Variants in ACOXL observed in about 807,000 individuals in gnomAD.
ACOXL encodes acyl-CoA oxidase like, also known as acyl-coenzyme A oxidase-like protein.
ACOXL carries 70 observed loss-of-function variants against 71.9 expected under a neutral mutation model. That is an observed-to-expected ratio of 0.97 (90% CI 0.80 to 1.19). ACOXL has a LOEUF of 1.19. Ranked by LOEUF, ACOXL falls within the 50% of genes most tolerant of loss-of-function variation. The pLI is 0.00. For missense variants in ACOXL, 703 were observed against 736.3 expected, an observed-to-expected ratio of 0.95 and a Z score of 0.52; for synonymous variants, 253 against 281.6, an observed-to-expected ratio of 0.90 and a Z score of 1.02.
rs563436102 is a variant in ACOXL at position 111,013,514 on chromosome 2, C to A, written c.1281+17510C>A. Among the ~76,000 whole-genome samples the A allele has an allele frequency of 1.1e-3, 127 of 115,770 alleles. No individual in the cohort carries two copies. In the Middle Eastern group the frequency reaches 0.023, roughly 21 times the overall value. 75.9% of individuals were successfully genotyped at this position (115,770 alleles called of 152,430 possible). A position where few individuals can be genotyped will look rare whatever the true frequency, so the allele number is the denominator to read the frequency against. On this transcript the variant is annotated intron_variant, in intron 14 of 17. Coordinates refer to ENST00000439055, the MANE Select transcript of ACOXL (RefSeq NM_001142807.4). ...CTCCAGCCTGGGTGACAGAGGGAGA[C>A]CCTGTCTCAAAAAAAAAAAAAAAAA...
rs2068658195 is a variant in ACOXL, at chr2:111,093,700, T to C, written c.1542+734T>C. The C allele has an allele frequency of 1.2e-5, 7 of 605,764 alleles. No homozygotes were observed. The Admixed American group carries it at 2.4e-4, about 21-fold the overall frequency. The allele number at this position is 605,764 out of a possible 1,614,324, so 37.5% of individuals were successfully genotyped here. A position where few individuals can be genotyped will look rare whatever the true frequency, so the allele number is the denominator to read the frequency against. ...GGCAACATGGTGAAACCCTGTCTAC[T>C]AAAATACAAAAAAATTAGCTGGGCG... On this transcript the variant is annotated intron_variant, in intron 17 of 17. Coordinates refer to ENST00000439055, the MANE Select transcript of ACOXL (RefSeq NM_001142807.4).
chr2:111,010,130 A>G (rs2064078353), intron 14 of ACOXL, among the ~76,000 whole-genome samples: 1 of 152,160 alleles, frequency 6.6e-6, no homozygotes, highest in African/African-American at 2.4e-5. Context: ...CATCAAGAGA[A>G]GAAGACCCCA....
intron 11 of ACOXL, among the ~76,000 whole-genome samples, chr2:110,918,803 A>C (rs1324757035): frequency 6.6e-6 from 1 of 152,192 alleles, no homozygotes; most frequent in Admixed American, 6.5e-5. Context: ...ATGAAAAAAA[A>C]CTTCATTATC....
intron 15 of ACOXL, among the ~76,000 whole-genome samples, chr2:111,038,930 C>T (rs1485827649): frequency 6.6e-6 from 1 of 152,190 alleles, no homozygotes; most frequent in East Asian, 1.9e-4. Context: ...TGTCTGTTGA[C>T]AACCAGATTT....
chr2:110,964,109 T>G (rs1326364763), intron 12 of ACOXL, among the ~76,000 whole-genome samples: 4 of 152,182 alleles, frequency 2.6e-5, no homozygotes, highest in Non-Finnish European at 5.9e-5. Flanking sequence ...CCTTTCTCAA[T>G]CCAATCGGCT....
intron 10 of ACOXL, among the ~76,000 whole-genome samples, chr2:110,852,768 C>T (rs985675969): frequency 4.6e-5 from 7 of 152,134 alleles, no homozygotes; most frequent in African/African-American, 1.7e-4. Context: ...TGGTTTGTCA[C>T]TCAGATTCTG....
At chr2:110,786,897 T>G (rs1393620425) in intron 3 of ACOXL, among the ~76,000 whole-genome samples, 1 of 152,256 alleles carries the variant, frequency 6.6e-6, no homozygotes, top group Non-Finnish European at 1.5e-5. Context: ...ATTGGACATC[T>G]GATGATATTA....
intron 11 of ACOXL, among the ~76,000 whole-genome samples, chr2:110,923,293 C>T (rs921820806): frequency 6.6e-5 from 10 of 152,138 alleles, no homozygotes; most frequent in African/African-American, 2.4e-4. Flanking sequence ...CTGACTACTT[C>T]CCCCCAACAC....
chr2:110,998,901 T>G (rs1292443133), intron 14 of ACOXL, among the ~76,000 whole-genome samples: 1 of 152,242 alleles, frequency 6.6e-6, no homozygotes, highest in African/African-American at 2.4e-5. Flanking sequence ...GAAACAAATC[T>G]AATTATATGC....
chr2:110,947,173 G>GT (rs2061141560), intron 12 of ACOXL, among the ~76,000 whole-genome samples: 2 of 152,254 alleles, frequency 1.3e-5, no homozygotes, highest in Non-Finnish European at 2.9e-5. Flanking sequence ...AGGCCTGGCA[G>GT]TTTCGCTTCG....
chr2:111,086,997 G>A (rs1389034045), intron 16 of ACOXL, among the ~76,000 whole-genome samples: 10 of 151,950 alleles, frequency 6.6e-5, no homozygotes, highest in Non-Finnish European at 1.3e-4. Context: ...GTAGCATTCC[G>A]ATACACCAAC....
chr2:110,892,864 A>G (rs1436937727), intron 10 of ACOXL, among the ~76,000 whole-genome samples: 1 of 152,182 alleles, frequency 6.6e-6, no homozygotes, highest in Non-Finnish European at 1.5e-5. Context: ...GGGAATGGCT[A>G]TTTTAAGCAG....
intron 12 of ACOXL, among the ~76,000 whole-genome samples, chr2:110,977,246 C>T (rs190997254): frequency 4.0e-5 from 6 of 151,802 alleles, no homozygotes; most frequent in Admixed American, 6.6e-5. Flanking sequence ...ATTAGCCAGG[C>T]GTGGTGGCAG....
intron 17 of ACOXL, among the ~76,000 whole-genome samples, chr2:111,111,581 G>A (rs1481774621): frequency 6.6e-6 from 1 of 152,170 alleles, no homozygotes; most frequent in African/African-American, 2.4e-5. Flanking sequence ...TAAAGGGAAA[G>A]GTATATGCAC....
At chr2:111,093,527 C>T (rs745845940) in intron 17 of ACOXL, 3 of 1,613,822 alleles carry the variant, frequency 1.9e-6, no homozygotes, top group Admixed American at 3.3e-5. Flanking sequence ...ACTCAGTCTC[C>T]ACATGAAGGG....
At chr2:110,897,040 A>G (rs965500356) in intron 10 of ACOXL, among the ~76,000 whole-genome samples, 25 of 152,338 alleles carry the variant, frequency 1.6e-4, no homozygotes, top group African/African-American at 5.5e-4. Context: ...TTCTCTGACC[A>G]TGATGTATTC....
chr2:111,072,526 T>C (rs143937382), intron 16 of ACOXL, among the ~76,000 whole-genome samples: 12 of 152,342 alleles, frequency 7.9e-5, no homozygotes, highest in African/African-American at 2.9e-4. Context: ...TTTTTGACAA[T>C]TGTGAGTAGA....
chr2:110,934,042 G>T (rs1375142671), intron 12 of ACOXL, among the ~76,000 whole-genome samples: 2 of 152,228 alleles, frequency 1.3e-5, no homozygotes, highest in Non-Finnish European at 2.9e-5. Flanking sequence ...AGGAGGCAGA[G>T]CATTCAGAGA....
chr2:111,078,450 G>A (rs934877794), intron 16 of ACOXL, among the ~76,000 whole-genome samples: 2 of 152,042 alleles, frequency 1.3e-5, no homozygotes, highest in Non-Finnish European at 2.9e-5. Context: ...TCTAAGTAGA[G>A]GTCGGGTTTC....
Sources: allele counts gnomAD v4.1 joint callset (sites outside exome capture counted in the v4.1 genomes callset), GRCh38; gene constraint gnomAD v4.1.1; transcripts MANE v1.5; gene names NCBI Gene and HGNC (gene_info 2026-07-23, HGNC 2026-07-21).